Variants in LRRC74A observed in about 807,000 individuals in gnomAD.
LRRC74A encodes the protein leucine-rich repeat-containing protein 74A.
A neutral mutation model predicts 57.9 loss-of-function variants in LRRC74A; 44 were observed. The observed-to-expected ratio is 0.76, with a 90% CI of 0.60 to 0.98. LRRC74A has a LOEUF of 0.98. Among genes scored for constraint, LRRC74A ranks in the 50% least tolerant of loss-of-function variants. LRRC74A has a pLI of 0.00. For missense variants in LRRC74A, 572 were observed against 574.0 expected (o/e 1.00, Z 0.04); for synonymous variants, 211 against 219.4 (o/e 0.96, Z 0.34).
intron 5 of LRRC74A, among the ~76,000 whole-genome samples, chr14:76,843,619 CA>C (rs1353230062): frequency 1.3e-5 from 2 of 152,286 alleles, no homozygotes; most frequent in African/African-American, 4.8e-5. Flanking sequence ...AGAGGGTAAA[CA>C]GTTGCCTTGT....
At chr14:76,852,016 C>G (rs1396771793) in intron 7 of LRRC74A, among the ~76,000 whole-genome samples, 1 of 152,160 alleles carries the variant, frequency 6.6e-6, no homozygotes, top group African/African-American at 2.4e-5. Flanking sequence ...GCACCTTGCT[C>G]TTCCCATATT....
Position 76,846,218 on chromosome 14 carries a change from G to A in LRRC74A, c.676+1317G>A, listed in dbSNP as rs138173345. On this transcript the variant is annotated intron_variant, in intron 7 of 13. Coordinates refer to ENST00000689127, the MANE Select transcript of LRRC74A (RefSeq NM_001385106.1). ...TGCCCACATCTCTTAACTAGTTAGA[G>A]AAATGAAAGGTTCTCCTTGTCATCT... 3.4e-3 allele frequency among the ~76,000 whole-genome samples: 525 copies of A among 152,314 alleles called. 2 individuals carry two copies. Among genetic ancestry groups the A allele is most frequent in the African/African-American group, 0.012 (499 of 41,572 alleles).
intron 5 of LRRC74A, 90 bp downstream of exon 5, chr14:76,838,061 G>C: frequency 1.2e-6 from 1 of 848,304 alleles, no homozygotes; most frequent in Non-Finnish European, 1.9e-6. Flanking sequence ...CATTGAACCA[G>C]ACCATGTCCT....
chr14:76,845,540 T>C (rs1324816274), intron 7 of LRRC74A, among the ~76,000 whole-genome samples: 1 of 152,144 alleles, frequency 6.6e-6, no homozygotes, highest in Non-Finnish European at 1.5e-5. Context: ...ACCTTTTGGG[T>C]ACTATGCTTA....
rs146606440 is a variant in LRRC74A, at chr14:76,842,698, A to C, written c.545-1725A>C. Among the ~76,000 whole-genome samples, 597 of 150,608 alleles carry C rather than the reference A, an allele frequency of 4.0e-3. 4 individuals carry two copies. Among genetic ancestry groups the C allele is most frequent in the African/African-American group, 0.014 (578 of 41,070 alleles). ...ATTCATTCATTCATTCACTCACTTT[A>C]CTAAGGACCTGTTATGTGCCAAGCA... On this transcript the variant is annotated intron_variant, in intron 5 of 13. Coordinates refer to ENST00000689127, the MANE Select transcript of LRRC74A (RefSeq NM_001385106.1).
chr14:76,836,783 C>T (rs1896375125), intron 4 of LRRC74A, among the ~76,000 whole-genome samples: 4 of 103,324 alleles, frequency 3.9e-5, no homozygotes, highest in South Asian at 7.9e-4. Context: ...AAGAATGAGA[C>T]TCCATCTCAA....
chr14:76,852,809 G>T (rs12589036), intron 8 of LRRC74A, among the ~76,000 whole-genome samples: 1 of 151,650 alleles, frequency 6.6e-6, no homozygotes, highest in Non-Finnish European at 1.5e-5. Context: ...AGTAGAAACG[G>T]GGTTGTACCA....
chr14:76,865,803 G>T (rs754002777), intron 11 of LRRC74A, among the ~76,000 whole-genome samples, 165 bp from the exon 12 acceptor site: 2 of 152,204 alleles, frequency 1.3e-5, no homozygotes, highest in East Asian at 3.9e-4. Context: ...GGTCTTAGGG[G>T]ACACCCAACA....
At chr14:76,828,504 C>G in intron 2 of LRRC74A, 85 bp downstream of exon 2, 1 of 1,588,788 alleles carries the variant, frequency 6.3e-7, no homozygotes, top group East Asian at 2.3e-5. Context: ...TCATCTCACT[C>G]CTTTCCAGAG....
intron 10 of LRRC74A, among the ~76,000 whole-genome samples, chr14:76,859,081 CCTCATG>C (rs1213465691): frequency 1.3e-5 from 2 of 152,180 alleles, no homozygotes; most frequent in Non-Finnish European, 2.9e-5. Context: ...CTTTCCCCAT[CCTCATG>C]CTCCAGTTCT....
intron 11 of LRRC74A, among the ~76,000 whole-genome samples, chr14:76,864,942 T>C (rs1338046837): frequency 6.6e-6 from 1 of 152,128 alleles, no homozygotes; most frequent in Non-Finnish European, 1.5e-5. Context: ...AACAATAGGT[T>C]TAGTAGAAAG....
In LRRC74A at chr14:76,826,497, T is replaced by C. The variant is rs771145083; in HGVS notation, c.-201T>C. 6.3e-7 allele frequency: 1 copy of C among 1,577,584 alleles called. No homozygotes were observed. Among genetic ancestry groups the C allele is most frequent in the South Asian group, 1.2e-5 (1 of 86,144 alleles). On this transcript the variant is annotated 5_prime_UTR_variant, in exon 1 of 14. It removes an upstream start codon present in the reference 5' UTR. Transcript: ENST00000689127. ...CCAGACAGAGTTGGGGTCAAATTCA[T>C]GCACATCCAATTCCCATCAAAGCCT... is the stretch of plus-strand genomic sequence containing the variant.
chr14:76,869,939 T>G (rs1392925381), intron 13 of LRRC74A, among the ~76,000 whole-genome samples, 186 bp from the exon 14 acceptor site: 1 of 151,652 alleles, frequency 6.6e-6, no homozygotes, highest in Non-Finnish European at 1.5e-5. Flanking sequence ...AGTGTGTGTG[T>G]GTGCACACGC....
At chr14:76,829,986 TA>T (rs1895858962) in intron 2 of LRRC74A, among the ~76,000 whole-genome samples, 2 of 152,052 alleles carry the variant, frequency 1.3e-5, no homozygotes, top group South Asian at 2.1e-4. Flanking sequence ...TTGGGCAAAC[TA>T]GGGGAGGGGG....
chr14:76,859,076 C>T (rs1483175084), intron 10 of LRRC74A, among the ~76,000 whole-genome samples: 1 of 152,170 alleles, frequency 6.6e-6, no homozygotes, highest in Non-Finnish European at 1.5e-5. Context: ...CCTTCCTTTC[C>T]CCATCCTCAT....
Position 76,831,315 on chromosome 14 carries a change from G to A in LRRC74A, c.279G>A (p.Val93=), listed in dbSNP as rs1566715559. ...TTCGGAACATGGAGGAGTCCTACGT[G>A]AACCTCAACCACCACGGCCTGGGCC... is the stretch of plus-strand genomic sequence containing the variant. ...YFIRNMEESY[V]NLNHHGLGPR... The change falls in exon 3 of 14, where the codon GTG becomes GTA. Residue 93 remains valine, a synonymous_variant. Coordinates refer to ENST00000689127, the MANE Select transcript of LRRC74A (RefSeq NM_001385106.1). 6.2e-7 allele frequency: 1 copy of A among 1,613,964 alleles called. No individual in the cohort carries two copies. The highest frequency in any genetic ancestry group is 1.7e-5 in the Admixed American group (1 of 60,022).
Position 76,844,604 on chromosome 14 carries a change from G to A in LRRC74A, c.594+132G>A, listed in dbSNP as rs535417156. 218 of 935,892 alleles carry A rather than the reference G, an allele frequency of 2.3e-4. No individual in the cohort carries two copies. The African/African-American group carries it at 3.0e-3, about 13-fold the overall frequency. The allele number at this position is 935,892 out of a possible 1,614,324, so 58.0% of individuals were successfully genotyped here. ...AGGGACTGGGGAGTGTTTAGACCCT[G>A]CCAACCCCAACAAAGGCACAGCAAA... is the stretch of plus-strand genomic sequence containing the variant. On this transcript the variant is annotated intron_variant, in intron 6 of 13. Coordinates refer to ENST00000689127, the MANE Select transcript of LRRC74A (RefSeq NM_001385106.1).
intron 12 of LRRC74A, among the ~76,000 whole-genome samples, chr14:76,866,949 GGTGT>G (rs144836195): frequency 7.3e-4 from 10 of 13,786 alleles, no homozygotes; most frequent in African/African-American, 4.0e-3. Context: ...AGGTGTGTGG[GGTGT>G]GTGTGTGTGT....
chr14:76,827,852 C>CCCCTG (rs951512962), intron 1 of LRRC74A, among the ~76,000 whole-genome samples: 13 of 152,162 alleles, frequency 8.5e-5, no homozygotes, highest in Admixed American at 8.5e-4. Context: ...GTTGTCACCT[C>CCCCTG]CCCTGCCCTG....
Sources: allele counts gnomAD v4.1 joint callset (sites outside exome capture counted in the v4.1 genomes callset), GRCh38; gene constraint gnomAD v4.1.1; transcripts MANE v1.5; gene names NCBI Gene and HGNC (gene_info 2026-07-23, HGNC 2026-07-21).